C2orf92: variants seen among roughly 807,000 people sequenced by gnomAD.
C2orf92 encodes the protein chromosome 2 open reading frame 92.
chr2:97,674,420 G>A (rs944066965), intron 1 of C2orf92, 36 bp from the exon 2 acceptor site: 144 of 398,300 alleles, frequency 3.6e-4, no homozygotes, highest in African/African-American at 2.8e-3. Flanking sequence ...GCAAAATATT[G>A]CTGATATTAA....
chr2:97,682,140 T>C (rs936342858), intron 3 of C2orf92, among the ~76,000 whole-genome samples: 2 of 152,266 alleles, frequency 1.3e-5, no homozygotes, highest in Admixed American at 1.3e-4. Context: ...TTACTACTAA[T>C]TTTCTGGAAA....
At chr2:97,692,565 A>T (rs980010043) in intron 5 of C2orf92, among the ~76,000 whole-genome samples, 2 of 151,990 alleles carry the variant, frequency 1.3e-5, no homozygotes, top group Non-Finnish European at 2.9e-5. Context: ...ACATGCCACC[A>T]TGCCCAGTTA....
chr2:97,682,769 GA>G (rs149980288), intron 3 of C2orf92, among the ~76,000 whole-genome samples: 2,741 of 145,022 alleles, frequency 0.019, 82 homozygotes, highest in African/African-American at 0.066. Context: ...TTTCATGATT[GA>G]AAAAAAAAAC....
chr2:97,663,976 G>A, upstream of C2orf92: 1 of 859,574 alleles, frequency 1.2e-6, no homozygotes, highest in Non-Finnish European at 1.5e-6. Context: ...GACGGCGGCG[G>A]CTCCCGACGC....
chr2:97,691,468 G>A (rs1676134472), intron 5 of C2orf92, among the ~76,000 whole-genome samples: 2 of 152,200 alleles, frequency 1.3e-5, no homozygotes, highest in Admixed American at 6.5e-5. Context: ...AGGCTCATCT[G>A]AGCTATCTGA....
chr2:97,673,043 T>G (rs1675464686), intron 1 of C2orf92, among the ~76,000 whole-genome samples: 1 of 152,202 alleles, frequency 6.6e-6, no homozygotes, highest in African/African-American at 2.4e-5. Context: ...ATGTAACCCT[T>G]GTGAATTAGC....
At chr2:97,678,831 A>G (rs934840061) in intron 3 of C2orf92, among the ~76,000 whole-genome samples, 5 of 145,144 alleles carry the variant, frequency 3.4e-5, no homozygotes, top group Admixed American at 6.8e-5. Flanking sequence ...AAAAAAAATT[A>G]GTTGGGTGTG....
intron 3 of C2orf92, among the ~76,000 whole-genome samples, chr2:97,686,485 T>TA (rs377008860): frequency 1.2e-3 from 176 of 152,228 alleles, no homozygotes; most frequent in African/African-American, 3.9e-3. Context: ...AATGGCGCGA[T>TA]ATCAGCTCAC....
At chr2:97,696,724 T>C (rs1004702171) in intron 5 of C2orf92, among the ~76,000 whole-genome samples, 34 of 152,054 alleles carry the variant, frequency 2.2e-4, no homozygotes, top group African/African-American at 7.7e-4. Context: ...GGACAGAGAC[T>C]CCGTCTCAAA....
chr2:97,676,448 AG>A (rs377426279), intron 3 of C2orf92, among the ~76,000 whole-genome samples: 5,686 of 102,722 alleles, frequency 0.055, 502 homozygotes, highest in African/African-American at 0.082. Flanking sequence ...AAAAAAAAAA[AG>A]AAAAAAAAAA....
upstream of C2orf92, chr2:97,664,032 C>G (rs943644327): frequency 5.8e-5 from 22 of 380,156 alleles, no homozygotes; most frequent in Admixed American, 5.2e-4. Flanking sequence ...ACGCGAGCCC[C>G]GCGGGGCTTT....
At chr2:97,688,549 C>A (rs966490573) in intron 3 of C2orf92, among the ~76,000 whole-genome samples, 1 of 152,134 alleles carries the variant, frequency 6.6e-6, no homozygotes, top group African/African-American at 2.4e-5. Context: ...CAAACTTTAC[C>A]CTATTTTTAT....
chr2:97,672,016 C>A (rs1163085109), intron 1 of C2orf92, among the ~76,000 whole-genome samples: 1 of 152,212 alleles, frequency 6.6e-6, no homozygotes, highest in Non-Finnish European at 1.5e-5. Context: ...TTCCACTGAA[C>A]ATGTGAGAAA....
At chr2:97,682,063 A>G (rs918117112) in intron 3 of C2orf92, among the ~76,000 whole-genome samples, 2 of 152,180 alleles carry the variant, frequency 1.3e-5, no homozygotes, top group African/African-American at 2.4e-5. Flanking sequence ...AAAATTGACA[A>G]ACTTCTAGCT....
At chr2:97,674,229 C>T (rs1252370513) in intron 1 of C2orf92, 1 of 348,508 alleles carries the variant, frequency 2.9e-6, no homozygotes, top group South Asian at 1.5e-4. Context: ...GATTTGGGGT[C>T]ATATATCTTT....
upstream of C2orf92, chr2:97,669,563 G>T: frequency 2.6e-6 from 1 of 378,818 alleles, no homozygotes; most frequent in Non-Finnish European, 4.7e-6. Context: ...GGGAGCCGAG[G>T]GAAGTGAGCA....
intron 1 of C2orf92, chr2:97,671,553 C>G (rs983736924): frequency 2.5e-6 from 1 of 398,520 alleles, no homozygotes; most frequent in African/African-American, 2.1e-5. Flanking sequence ...GAGTTGCGTG[C>G]ATGGTCCTCA....
At chr2:97,700,031 A>G (rs1190242679) in intron 6 of C2orf92, among the ~76,000 whole-genome samples, 4 of 152,206 alleles carry the variant, frequency 2.6e-5, no homozygotes, top group Non-Finnish European at 5.9e-5. Context: ...ACCAGCCGAT[A>G]CCTGGGATCA....
intron 1 of C2orf92, chr2:97,671,877 T>C (rs1675427641): frequency 5.6e-6 from 1 of 179,870 alleles, no homozygotes; most frequent in Non-Finnish European, 1.2e-5. Context: ...AATCCTCTTT[T>C]TAACAATTGA....
Sources: gnomAD v4.1 joint callset for allele counts (sites outside exome capture counted in the v4.1 genomes callset) on GRCh38, gnomAD v4.1.1 for gene constraint, MANE v1.5 for transcripts, NCBI Gene and HGNC (gene_info 2026-07-23, HGNC 2026-07-21) for gene names.